DCHS1: variants seen among roughly 807,000 people sequenced by gnomAD.
DCHS1 encodes dachsous cadherin-related 1, also known as protocadherin-16.
A neutral mutation model predicts 213.9 loss-of-function variants in DCHS1; 78 were observed. That is an observed-to-expected ratio of 0.36 (90% CI 0.30 to 0.44). The LOEUF (loss-of-function observed/expected upper bound fraction) is 0.44. Ranked by LOEUF, DCHS1 falls within the 20% of genes least tolerant of loss-of-function variation. The pLI is 1.00. For missense variants in DCHS1, 3,946 were observed against 4,395.9 expected (o/e 0.90, Z 2.89); for synonymous variants, 1,828 against 1,873.7 (o/e 0.98, Z 0.63).
chr11:6,626,103 G>C lies in DCHS1; in HGVS notation c.6577-29C>G, dbSNP rs200756492. 7.5e-6 allele frequency: 12 copies of C among 1,601,410 alleles called. No individual in the cohort carries two copies. In the Admixed American group the frequency reaches 8.6e-5, roughly 11 times the overall value. On this transcript the variant is annotated intron_variant, in intron 16 of 20. Coordinates refer to ENST00000299441, the MANE Select transcript of DCHS1 (RefSeq NM_003737.4). This position sits in a 1 kb window ranked among gnomAD's most constrained non-coding sequence, Gnocchi z 5.2. ...GTGAGGGTAGGAGGCTGCTGGGACT[G>C]GTCTGGCCACAGACAAGTCTGACTA...
At position 6,625,151 on chromosome 11, in the gene DCHS1, AG is replaced by A; in HGVS notation, c.7146+46del. On this transcript the variant is annotated intron_variant, in intron 19 of 20. Coordinates refer to ENST00000299441, the MANE Select transcript of DCHS1 (RefSeq NM_003737.4). The surrounding 1 kb of genome is among the most constrained non-coding windows in gnomAD (Gnocchi z 5.3). ...GCTAGCTCTGATACTTCCCTCCAAC[AG>A]GAACAACCCAGGCCCAGGTGTAGGT... 2 of 1,530,902 alleles carry A rather than the reference AG, an allele frequency of 1.3e-6. No individual in the cohort carries two copies. Among genetic ancestry groups the A allele is most frequent in the East Asian group, 2.3e-5 (1 of 44,230 alleles). The allele number at this position is 1,530,902 out of a possible 1,614,324, so 94.8% of individuals were successfully genotyped here. A position where few individuals can be genotyped will look rare whatever the true frequency, so the allele number is the denominator to read the frequency against.
intron 1 of DCHS1, among the ~76,000 whole-genome samples, chr11:6,644,789 C>T (rs7110913): frequency 0.57 from 86,828 of 152,172 alleles, 25,735 homozygotes; most frequent in East Asian, 0.78. Flanking sequence ...TGAGACAACA[C>T]ACACAAACAC....
In DCHS1 at chr11:6,622,989, C is replaced by G; in HGVS notation, c.8687G>C (p.Arg2896Pro). The G allele has an allele frequency of 6.4e-7, 1 of 1,570,984 alleles. No individual in the cohort carries two copies. Among genetic ancestry groups the G allele is most frequent in the Admixed American group, 1.9e-5 (1 of 53,668 alleles). ...GGGRTRREAP[R>P]ELRLEVIARG... The stretch of plus-strand genomic sequence containing the variant: ...TGCTATCACCTCCAGCCTCAGCTCC[C>G]GTGGTGCTTCCCGCCGGGTCCGGCC... Residue 2896 changes from arginine (R) to proline (P), a missense_variant, in exon 21 of 21, where the codon CGG becomes CCG. Arg to Pro is a moderately radical substitution (Grantham distance 103). Transcript: ENST00000299441. This position sits in a 1 kb window ranked among gnomAD's most constrained non-coding sequence, Gnocchi z 5.4.
In DCHS1 at chr11:6,640,197, C is replaced by A; in HGVS notation, c.1417G>T (p.Asp473Tyr). Residue 473 changes from aspartate to tyrosine, a missense_variant, in exon 2 of 21, where the codon GAC becomes TAC. This residue lies in a region of DCHS1 where 3,384 missense variants were observed against 3,780.1 expected (regional missense o/e 0.90). Coordinates refer to ENST00000299441, the MANE Select transcript of DCHS1 (RefSeq NM_003737.4). The surrounding 1 kb of genome is among the most constrained non-coding windows in gnomAD (Gnocchi z 6.5). ...GGCTCAGGTCGGTAGAGCTGGCGGTCAAAGGCAGGTGCATTGTCGTTGACA... is the reference window on the plus strand; with the variant it reads ...GGCTCAGGTCGGTAGAGCTGGCGGTAAAAGGCAGGTGCATTGTCGTTGACA... ...TDVNDNAPAF[D>Y]RQLYRPEPLP... 2 of 1,613,602 alleles carry A rather than the reference C, an allele frequency of 1.2e-6. No individual in the cohort carries two copies. Among genetic ancestry groups the A allele is most frequent in the East Asian group, 4.5e-5 (2 of 44,872 alleles).
intron 1 of DCHS1, among the ~76,000 whole-genome samples, chr11:6,647,624 C>T (rs970301806): frequency 3.3e-5 from 5 of 152,228 alleles, no homozygotes; most frequent in African/African-American, 1.2e-4. Context: ...ATCACCATAA[C>T]AACCCTGTGA....
intron 1 of DCHS1, among the ~76,000 whole-genome samples, chr11:6,646,388 C>T (rs1351317288): frequency 6.6e-6 from 1 of 152,166 alleles, no homozygotes; most frequent in African/African-American, 2.4e-5. Flanking sequence ...CAGACTCTCT[C>T]CCGAGACCGT....
rs773321588 is a variant in DCHS1, at chr11:6,624,727, C to G, written c.7285+3G>C. The stretch of plus-strand genomic sequence containing the variant: ...CAAGGGGCAGATCCTGGGAAAGACG[C>G]ACCATTGTTGGGGTCAACACTGAAG... On this transcript the variant is annotated splice_donor_region_variant and intron_variant, in intron 20 of 20. Transcript: ENST00000299441. 1 of 1,613,906 alleles carries G rather than the reference C, an allele frequency of 6.2e-7. No homozygotes were observed. Among genetic ancestry groups the G allele is most frequent in the South Asian group, 1.1e-5 (1 of 91,074 alleles).
intron 1 of DCHS1, 84 bp downstream of exon 1, chr11:6,655,479 C>T: frequency 1.1e-6 from 1 of 894,968 alleles, no homozygotes; most frequent in Non-Finnish European, 1.3e-6. Context: ...AAGCCCCCGG[C>T]TCCGCCGCCG....
rs764581250 is a variant in DCHS1 at position 6,623,651 on chromosome 11, A to C, written c.8025T>G (p.Leu2675=). Residue 2675 remains leucine (L), a synonymous_variant, in exon 21 of 21, where the codon CTT becomes CTG. Coordinates refer to ENST00000299441, the MANE Select transcript of DCHS1 (RefSeq NM_003737.4). ...LDCETQARHQ[L]VVQAADPAGA... is the part of the protein sequence containing the mutation. ...CAGCAGGGTCAGCAGCCTGTACTAC[A>C]AGCTGATGTCGAGCCTGGGTCTCAC... is the stretch of plus-strand genomic sequence containing the variant. 1.2e-6 allele frequency: 2 copies of C among 1,613,830 alleles called. No individual in the cohort carries two copies. The highest frequency in any genetic ancestry group is 2.2e-5 in the South Asian group (2 of 91,088).
In DCHS1 at chr11:6,624,217, A is replaced by T. The variant is rs769463282; in HGVS notation, c.7459T>A (p.Tyr2487Asn). The T allele has an allele frequency of 5.0e-6, 8 of 1,613,344 alleles. No homozygotes were observed. The highest frequency in any genetic ancestry group is 3.4e-6 in the Non-Finnish European group (4 of 1,179,746). ...AGGTCTTCAGTCACAGCCACACGGT[A>T]GTGTGACAATGTGAAGCTCGGGGCG... ...DHAPSFTLSH[Y>N]RVAVTEDLPP... The change falls in exon 21 of 21, where the codon TAC becomes AAC. Residue 2487 changes from tyrosine (Y) to asparagine (N), a missense_variant. Around this residue, in one of 3 missense-constraint regions of DCHS1, gnomAD observed 3,384 missense variants for 3,780.1 expected, o/e 0.90. Coordinates refer to ENST00000299441, the MANE Select transcript of DCHS1 (RefSeq NM_003737.4).
rs955073140 is a variant in DCHS1, at chr11:6,627,744, T to A, written c.5372-77A>T. On this transcript the variant is annotated intron_variant, in intron 13 of 20. Coordinates refer to ENST00000299441, the MANE Select transcript of DCHS1 (RefSeq NM_003737.4). The surrounding 1 kb of genome is among the most constrained non-coding windows in gnomAD (Gnocchi z 5.4). ...GTGATTTACAGACAACAGGAGAGAG[T>A]GAGCATGTGCACAAAAGCAAGTGAA... is the stretch of plus-strand genomic sequence containing the variant. 8.9e-6 allele frequency: 13 copies of A among 1,466,258 alleles called. No individual in the cohort carries two copies. The highest frequency in any genetic ancestry group is 1.2e-5 in the Non-Finnish European group (13 of 1,089,840). 90.8% of individuals were successfully genotyped at this position (1,466,258 alleles called of 1,614,324 possible). A position where few individuals can be genotyped will look rare whatever the true frequency, so the allele number is the denominator to read the frequency against.
intron 6 of DCHS1, 68 bp from the exon 7 acceptor site, chr11:6,631,877 G>A: frequency 6.8e-7 from 1 of 1,471,444 alleles, no homozygotes; most frequent in Middle Eastern, 1.8e-4. Flanking sequence ...CTGCACCTAA[G>A]AAGCTGGTGT....
Position 6,631,128 on chromosome 11 carries a change from G to A in DCHS1, c.3855C>T (p.Pro1285=). ...TAAPLIRAER[P]HYVLTLSAHD... is the part of the protein sequence containing the mutation. ...GAGCACTCAGTGTCAGCACATAGTGGGGCCGCTCTGCTCGGATCAGGGGAG... is the reference window on the plus strand; with the variant it reads ...GAGCACTCAGTGTCAGCACATAGTGAGGCCGCTCTGCTCGGATCAGGGGAG... The change falls in exon 9 of 21, where the codon CCC becomes CCT. Residue 1285 remains proline (P), a synonymous_variant. Transcript: ENST00000299441. 6.2e-7 allele frequency: 1 copy of A among 1,613,578 alleles called. No homozygotes were observed. Among genetic ancestry groups the A allele is most frequent in the Non-Finnish European group, 8.5e-7 (1 of 1,179,638 alleles).
In DCHS1 at chr11:6,623,282, A is replaced by G; in HGVS notation, c.8394T>C (p.Thr2798=). The change falls in exon 21 of 21, where the codon ACT becomes ACC. Residue 2798 remains threonine, a synonymous_variant. Transcript: ENST00000299441. ...CCTCTCCAGTCACTAGCACCGACAC[A>G]GTGACAGAGGCTGAGAGATTCCCAG... ...ADAGNLSASV[T]VSVLVTGEDE... The G allele has an allele frequency of 6.3e-7, 1 of 1,589,090 alleles. No individual in the cohort carries two copies. Among genetic ancestry groups the G allele is most frequent in the Non-Finnish European group, 8.6e-7 (1 of 1,167,674 alleles).
intron 2 of DCHS1, among the ~76,000 whole-genome samples, chr11:6,634,658 T>C (rs767314243): frequency 8.5e-5 from 13 of 152,082 alleles, no homozygotes; most frequent in Non-Finnish European, 1.6e-4. Context: ...CTAACATATG[T>C]ATTTTCTCCA....
chr11:6,646,623 A>G (rs1274639775), intron 1 of DCHS1, among the ~76,000 whole-genome samples: 2 of 151,864 alleles, frequency 1.3e-5, no homozygotes, highest in Admixed American at 1.3e-4. Context: ...CAAATCTGTC[A>G]TGGCTCTTCT....
chr11:6,631,215 G>C lies in DCHS1; in HGVS notation c.3773-5C>G. ...AGAAAAGCTCTGAGCCAGGACCTGGGGACAGGCAGAGGAAGATGAGGGCTT... is the reference window on the plus strand; with the variant it reads ...AGAAAAGCTCTGAGCCAGGACCTGGCGACAGGCAGAGGAAGATGAGGGCTT... On this transcript the variant is annotated splice_region_variant and splice_polypyrimidine_tract_variant and intron_variant, in intron 8 of 20. Coordinates refer to ENST00000299441, the MANE Select transcript of DCHS1 (RefSeq NM_003737.4). 1 of 1,611,910 alleles carries C rather than the reference G, an allele frequency of 6.2e-7. No individual in the cohort carries two copies. The highest frequency in any genetic ancestry group is 8.5e-7 in the Non-Finnish European group (1 of 1,178,202).
chr11:6,622,958 C>A lies in DCHS1; in HGVS notation c.8718G>T (p.Gly2906=). The change falls in exon 21 of 21, where the codon GGG becomes GGT. Residue 2906 remains glycine, a synonymous_variant. Coordinates refer to ENST00000299441, the MANE Select transcript of DCHS1 (RefSeq NM_003737.4). The surrounding 1 kb of genome is among the most constrained non-coding windows in gnomAD (Gnocchi z 5.4). ...TGGCACTCCGGGAACCAGGCAGAGGCCCCCGTGCTATCACCTCCAGCCTCA... is the reference window on the plus strand; with the variant it reads ...TGGCACTCCGGGAACCAGGCAGAGGACCCCGTGCTATCACCTCCAGCCTCA... ...RELRLEVIAR[G]PLPGSRSATV... The A allele has an allele frequency of 6.3e-7, 1 of 1,577,856 alleles. No homozygotes were observed.
Position 6,632,505 on chromosome 11 carries a change from G to A in DCHS1, c.3007C>T (p.Pro1003Ser). ...GAGGGCAGGTCCACACGGTAGGTAG[G>A]GCTGTTGAATCGGGGAGCCAGCCCA... is the stretch of plus-strand genomic sequence containing the variant. ...TRGLAPRFNSPTYRVDLPSGT... is the reference protein window; with the variant it reads ...TRGLAPRFNSSTYRVDLPSGT... The change falls in exon 6 of 21, where the codon CCT (proline) becomes TCT (serine). Residue 1003 changes from proline to serine, a missense_variant. Pro to Ser is a moderately conservative substitution (Grantham distance 74). Coordinates refer to ENST00000299441, the MANE Select transcript of DCHS1 (RefSeq NM_003737.4). The surrounding 1 kb of genome is among the most constrained non-coding windows in gnomAD (Gnocchi z 5.9). The A allele has an allele frequency of 2.6e-6, 4 of 1,558,430 alleles. No homozygotes were observed. The highest frequency in any genetic ancestry group is 3.5e-6 in the Non-Finnish European group (4 of 1,150,534).
Sources: gnomAD v4.1 joint callset for allele counts (sites outside exome capture counted in the v4.1 genomes callset) on GRCh38, gnomAD v4.1.1 for gene constraint, gnomAD v4.1.1 regional missense constraint, Gnocchi (gnomAD v3.1) non-coding constraint, MANE v1.5 for transcripts, NCBI Gene and HGNC (gene_info 2026-07-23, HGNC 2026-07-21) for gene names.